The following RTN3 variants were observed in gnomAD, a reference collection of about 807,000 sequenced individuals.
RTN3 encodes the protein reticulon-3.
RTN3 carries 49 observed loss-of-function variants against 77.8 expected under a neutral mutation model. The ratio of observed to expected loss-of-function variants is 0.63; its 90% confidence interval spans 0.50 to 0.80. The LOEUF is 0.80. Ranked by LOEUF, RTN3 falls within the 30% of genes least tolerant of loss-of-function variation. RTN3 has a pLI of 0.00. For missense variants in RTN3, 1,236 were observed against 1,211.9 expected, an observed-to-expected ratio of 1.02 and a Z score of -0.29; for synonymous variants, 464 against 446.9, an observed-to-expected ratio of 1.04 and a Z score of -0.48.
At chr11:63,721,345 C>T (rs553618581) in intron 3 of RTN3, among the ~76,000 whole-genome samples, 7 of 151,968 alleles carry the variant, frequency 4.6e-5, no homozygotes, top group African/African-American at 9.7e-5. Context: ...GAGGCCGAGA[C>T]GGGCGGATCA....
chr11:63,751,167 G>A (rs903438876), intron 4 of RTN3, among the ~76,000 whole-genome samples: 5 of 152,136 alleles, frequency 3.3e-5, no homozygotes, highest in African/African-American at 7.2e-5. Flanking sequence ...CACCGTGCCC[G>A]GCAACTCTAA....
At position 63,733,961 on chromosome 11, in the gene RTN3, TACAC is replaced by T. The variant is rs746463656; in HGVS notation, c.2530+12937_2530+12940del. 3.3e-5 allele frequency among the ~76,000 whole-genome samples: 5 copies of T among 152,046 alleles called. No individual in the cohort carries two copies. In the East Asian group the frequency reaches 9.7e-4, roughly 29 times the overall value. ...ATACACACAGACACACATATATATA[TACAC>T]ACACACATTCAGTGAGATCCTGTTT... On this transcript the variant is annotated intron_variant, in intron 3 of 8. Coordinates refer to ENST00000377819, the MANE Select transcript of RTN3 (RefSeq NM_001265589.2).
At chr11:63,735,258 G>A (rs2013010807) in intron 3 of RTN3, among the ~76,000 whole-genome samples, 1 of 151,904 alleles carries the variant, frequency 6.6e-6, no homozygotes, top group Non-Finnish European at 1.5e-5. Context: ...CCAAAGTGCT[G>A]GGATTACAAG....
At chr11:63,732,019 T>C (rs1449555663) in intron 3 of RTN3, among the ~76,000 whole-genome samples, 2 of 151,538 alleles carry the variant, frequency 1.3e-5, no homozygotes, top group African/African-American at 2.4e-5. Context: ...AGGTTCGAAC[T>C]TGAAAATCTA....
At chr11:63,685,233 T>C (rs796961383) in intron 1 of RTN3, among the ~76,000 whole-genome samples, 26 of 151,916 alleles carry the variant, frequency 1.7e-4, no homozygotes, top group African/African-American at 6.0e-4. Context: ...GCTTGCTCAC[T>C]CCTGTAATCC....
chr11:63,736,894 C>T (rs942702294), intron 3 of RTN3, among the ~76,000 whole-genome samples: 1 of 151,924 alleles, frequency 6.6e-6, no homozygotes, highest in Admixed American at 6.6e-5. Flanking sequence ...CAGGTTCTGT[C>T]CACAGTTAGG....
intron 1 of RTN3, among the ~76,000 whole-genome samples, chr11:63,693,017 C>T (rs1487473908): frequency 6.6e-6 from 1 of 152,112 alleles, no homozygotes; most frequent in East Asian, 1.9e-4. Flanking sequence ...GCAAGAGATC[C>T]TCCTTCCTTG....
rs191721594 is a variant in RTN3 at position 63,714,139 on chromosome 11, C to T, written c.200-4563C>T. 477 of 458,396 alleles carry T rather than the reference C, an allele frequency of 1.0e-3. 3 individuals carry two copies. The highest frequency in any genetic ancestry group is 1.9e-3 in the Non-Finnish European group (431 of 227,706). The allele number at this position is 458,396 out of a possible 1,614,324, so 28.4% of individuals were successfully genotyped here. On this transcript the variant is annotated intron_variant, in intron 2 of 8. Coordinates refer to ENST00000377819, the MANE Select transcript of RTN3 (RefSeq NM_001265589.2). ...CTTCCAGCCCAATTTTTCCCATTGTCTTGGTACAGGTCAGCTGTGTCCAAG... is the reference window on the plus strand; with the variant it reads ...CTTCCAGCCCAATTTTTCCCATTGTTTTGGTACAGGTCAGCTGTGTCCAAG...
Position 63,695,651 on chromosome 11 carries a change from G to A in RTN3, c.143-9200G>A, listed in dbSNP as rs185832000. On this transcript the variant is annotated intron_variant, in intron 1 of 8. Transcript: ENST00000377819. ...GAGCATGGCCCTTGGTATTCTTCCC[G>A]AAAAGCCATCACTCCAGTCTAACCA... Among the ~76,000 whole-genome samples, 221 of 152,220 alleles carry A rather than the reference G, an allele frequency of 1.5e-3. 1 individual carries two copies. The highest frequency in any genetic ancestry group is 2.4e-3 in the Admixed American group (37 of 15,276).
At chr11:63,686,794 G>A (rs1006869847) in intron 1 of RTN3, among the ~76,000 whole-genome samples, 1 of 152,088 alleles carries the variant, frequency 6.6e-6, no homozygotes, top group Non-Finnish European at 1.5e-5. Context: ...TTGTGCCATT[G>A]CACTCCAGCC....
chr11:63,717,930 G>A (rs1333197574), intron 2 of RTN3, among the ~76,000 whole-genome samples: 1 of 151,402 alleles, frequency 6.6e-6, no homozygotes, highest in Non-Finnish European at 1.5e-5. Context: ...CAGGAGAATG[G>A]CTTGAACCTG....
intron 3 of RTN3, among the ~76,000 whole-genome samples, chr11:63,739,404 T>C (rs1250195602): frequency 1.3e-5 from 2 of 152,228 alleles, no homozygotes; most frequent in African/African-American, 2.4e-5. Context: ...TGTAGGACTT[T>C]AGGAAGAGAC....
At chr11:63,715,582 T>TG (rs2011344728) in intron 2 of RTN3, among the ~76,000 whole-genome samples, 1 of 151,864 alleles carries the variant, frequency 6.6e-6, no homozygotes, top group African/African-American at 2.4e-5. Flanking sequence ...CGCTTCAATC[T>TG]GGGGGGCGGA....
intron 3 of RTN3, among the ~76,000 whole-genome samples, chr11:63,726,761 T>C (rs978327114): frequency 1.3e-5 from 2 of 151,142 alleles, no homozygotes; most frequent in Admixed American, 6.6e-5. Context: ...CTCAGGTGGC[T>C]GAGGCAGGAG....
intron 3 of RTN3, among the ~76,000 whole-genome samples, chr11:63,726,364 T>C (rs2012262499): frequency 6.6e-6 from 1 of 152,092 alleles, no homozygotes; most frequent in African/African-American, 2.4e-5. Flanking sequence ...TAAACCTTCA[T>C]AGAAAACCTA....
chr11:63,718,489 A>G (rs2011526393), intron 2 of RTN3, among the ~76,000 whole-genome samples: 1 of 152,152 alleles, frequency 6.6e-6, no homozygotes, highest in African/African-American at 2.4e-5. Context: ...GTGGCATGAT[A>G]TGGCTTTTCT....
intron 1 of RTN3, among the ~76,000 whole-genome samples, chr11:63,686,986 A>G (rs527915724): frequency 6.6e-6 from 1 of 152,324 alleles, no homozygotes; most frequent in Non-Finnish European, 1.5e-5. Flanking sequence ...CACTCATGAA[A>G]CTTAGTTGTT....
At chr11:63,703,938 AAT>A (rs1362569483) in intron 1 of RTN3, among the ~76,000 whole-genome samples, 5 of 152,090 alleles carry the variant, frequency 3.3e-5, no homozygotes, top group African/African-American at 1.2e-4. Context: ...CTGGGAGGAG[AAT>A]ATGTGCATTT....
intron 1 of RTN3, among the ~76,000 whole-genome samples, chr11:63,685,436 C>T (rs927445231): frequency 2.1e-5 from 3 of 139,758 alleles, no homozygotes; most frequent in African/African-American, 8.1e-5. Context: ...GCGGGAGTTG[C>T]AGTGAGCTGA....
Sources: allele counts gnomAD v4.1 joint callset (sites outside exome capture counted in the v4.1 genomes callset), GRCh38; gene constraint gnomAD v4.1.1; transcripts MANE v1.5; gene names NCBI Gene and HGNC (gene_info 2026-07-23, HGNC 2026-07-21).